Variants in TMPRSS11F observed in about 807,000 individuals in gnomAD.
TMPRSS11F encodes transmembrane protease serine 11F.
Under a neutral mutation model 60.2 loss-of-function variants are expected in TMPRSS11F, and 47 were observed. The observed-to-expected ratio is 0.78, with a 90% CI of 0.62 to 1.00. The LOEUF is 1.00. TMPRSS11F is among the 50% of genes least tolerant of loss of function. TMPRSS11F has a pLI of 0.00. For synonymous variants in TMPRSS11F, 166 were observed against 167.3 expected, an observed-to-expected ratio of 0.99 and a Z score of 0.06; for missense variants, 519 against 522.9, an observed-to-expected ratio of 0.99 and a Z score of 0.07.
Position 68,074,027 on chromosome 4 carries a change from A to C in TMPRSS11F, c.283-18T>G, listed in dbSNP as rs1365872647. On this transcript the variant is annotated intron_variant, in intron 3 of 9. Coordinates refer to ENST00000356291, the MANE Select transcript of TMPRSS11F (RefSeq NM_207407.2). ...CTAGACATCTGATTTTTAAAAAATA[A>C]GTATTAGTCTTCAGAACTTAAAAGT... The C allele has an allele frequency of 3.5e-6, 5 of 1,443,264 alleles. No individual in the cohort carries two copies. The highest frequency in any genetic ancestry group is 4.7e-6 in the Non-Finnish European group (5 of 1,064,650). The allele number at this position is 1,443,264 out of a possible 1,614,324, so 89.4% of individuals were successfully genotyped here.
intron 3 of TMPRSS11F, chr4:68,080,602 G>C (rs1485348625): frequency 6.6e-6 from 1 of 152,228 alleles, no homozygotes; most frequent in Admixed American, 6.5e-5. Context: ...TTTCTGGGAA[G>C]AATCACCTCC....
chr4:68,072,244 T>TATATATATATCTTCCAAA, intron 5 of TMPRSS11F, 79 bp downstream of exon 5: 1 of 166,112 alleles, frequency 6.0e-6, no homozygotes, highest in African/African-American at 3.1e-5. Context: ...TATATATATA[T>TATATATATATCTTCCAAA]ATATATTGCT....
chr4:68,090,234 G>A (rs190671653), intron 3 of TMPRSS11F, among the ~76,000 whole-genome samples: 69 of 151,936 alleles, frequency 4.5e-4, no homozygotes, highest in Non-Finnish European at 9.3e-4. Context: ...AAAATGAATC[G>A]AAAACGATAA....
chr4:68,128,726 G>A (rs1177734714), intron 1 of TMPRSS11F, among the ~76,000 whole-genome samples: 4 of 151,958 alleles, frequency 2.6e-5, no homozygotes, highest in African/African-American at 9.7e-5. Context: ...TGTACGTTTT[G>A]TCTTATTCTG....
chr4:68,073,862 C>T, intron 4 of TMPRSS11F, 80 bp downstream of exon 4: 1 of 839,318 alleles, frequency 1.2e-6, no homozygotes, highest in South Asian at 1.7e-5. Flanking sequence ...AAGACTTGCT[C>T]AGGGCAGCTA....
chr4:68,102,720 C>T (rs1724217902), intron 1 of TMPRSS11F, among the ~76,000 whole-genome samples: 1 of 152,102 alleles, frequency 6.6e-6, no homozygotes, highest in African/African-American at 2.4e-5. Context: ...GATATTAACC[C>T]TTTCTCAGAC....
In TMPRSS11F at chr4:68,074,834, C is replaced by T. The variant is rs147547792; in HGVS notation, c.283-825G>A. 2.5e-4 allele frequency among the ~76,000 whole-genome samples: 38 copies of T among 152,212 alleles called. 1 individual carries two copies. In the East Asian group the frequency reaches 4.3e-3, roughly 17 times the overall value. On this transcript the variant is annotated intron_variant, in intron 3 of 9. Coordinates refer to ENST00000356291, the MANE Select transcript of TMPRSS11F (RefSeq NM_207407.2). ...TGGGCTAGCAGGGTGCAGTGGCTCA[C>T]GCCTGTAATCCAAGCACTTTGGGAG...
Position 68,069,276 on chromosome 4 carries a change from T to C in TMPRSS11F, c.554-457A>G, listed in dbSNP as rs141788338. ...TCCTTATTACTGAGAGAGAGCCCAATACTAACTGTAGGTCATGATTTTCCC... is the reference window on the plus strand; with the variant it reads ...TCCTTATTACTGAGAGAGAGCCCAACACTAACTGTAGGTCATGATTTTCCC... On this transcript the variant is annotated intron_variant, in intron 6 of 9. Transcript: ENST00000356291. Among the ~76,000 whole-genome samples, 27 of 152,284 alleles carry C rather than the reference T, an allele frequency of 1.8e-4. No individual in the cohort carries two copies. In the East Asian group the frequency reaches 3.1e-3, roughly 17 times the overall value.
intron 8 of TMPRSS11F, chr4:68,063,189 C>A (rs969818250): frequency 6.7e-6 from 4 of 598,532 alleles, no homozygotes; most frequent in South Asian, 1.4e-5. Flanking sequence ...TGACAAAAAC[C>A]CAACTGCCTC....
At chr4:68,115,883 G>C (rs1420338995) in intron 1 of TMPRSS11F, among the ~76,000 whole-genome samples, 1 of 152,106 alleles carries the variant, frequency 6.6e-6, no homozygotes, top group Non-Finnish European at 1.5e-5. Flanking sequence ...AAAATTGAGA[G>C]AGATATATTA....
chr4:68,117,467 C>CAA (rs55708045), intron 1 of TMPRSS11F, among the ~76,000 whole-genome samples: 15 of 51,390 alleles, frequency 2.9e-4, no homozygotes, highest in African/African-American at 7.5e-4. Context: ...GACTCTGTCT[C>CAA]AAAAAAAAAA....
At position 68,115,415 on chromosome 4, in the gene TMPRSS11F, G is replaced by C. The variant is rs75278064; in HGVS notation, c.11+14395C>G. ...AAGAAAAGTTTCTCAAGCATATAAA[G>C]CTCTTCTAAGGAAATCCTATAGCTA... On this transcript the variant is annotated intron_variant, in intron 1 of 9. Coordinates refer to ENST00000356291, the MANE Select transcript of TMPRSS11F (RefSeq NM_207407.2). 3.2e-3 allele frequency among the ~76,000 whole-genome samples: 453 copies of C among 142,088 alleles called. 1 individual carries two copies. Among genetic ancestry groups the C allele is most frequent in the African/African-American group, 0.011 (426 of 38,218 alleles). The allele number at this position is 142,088 out of a possible 152,430, so 93.2% of individuals were successfully genotyped here. A position where few individuals can be genotyped will look rare whatever the true frequency, so the allele number is the denominator to read the frequency against.
intron 1 of TMPRSS11F, among the ~76,000 whole-genome samples, chr4:68,110,141 A>C (rs1250064869): frequency 1.3e-5 from 2 of 152,146 alleles, no homozygotes; most frequent in Non-Finnish European, 2.9e-5. Context: ...AAAAGCCTTC[A>C]TTTCTGGGAA....
chr4:68,110,355 G>T (rs1177832186), intron 1 of TMPRSS11F, among the ~76,000 whole-genome samples: 1 of 152,282 alleles, frequency 6.6e-6, no homozygotes, highest in East Asian at 1.9e-4. Flanking sequence ...AAAATCCACA[G>T]ACTCAGACCT....
chr4:68,095,456 A>G (rs942418253), intron 2 of TMPRSS11F, among the ~76,000 whole-genome samples: 1 of 152,198 alleles, frequency 6.6e-6, no homozygotes, highest in African/African-American at 2.4e-5. Context: ...ATGCAAATTA[A>G]GATTATGAGG....
At chr4:68,116,381 A>G (rs2109885080) in intron 1 of TMPRSS11F, among the ~76,000 whole-genome samples, 1 of 152,306 alleles carries the variant, frequency 6.6e-6, no homozygotes, top group Non-Finnish European at 1.5e-5. Context: ...CCATGTTCAT[A>G]GACTGAAAAG....
chr4:68,059,294 T>C, intron 9 of TMPRSS11F, 32 bp downstream of exon 9: 1 of 1,607,408 alleles, frequency 6.2e-7, no homozygotes, highest in Middle Eastern at 1.7e-4. Context: ...GAAACTTTCC[T>C]CATAAACTTT....
At chr4:68,097,489 A>T (rs1331619279) in intron 2 of TMPRSS11F, among the ~76,000 whole-genome samples, 1 of 151,938 alleles carries the variant, frequency 6.6e-6, no homozygotes, top group Non-Finnish European at 1.5e-5. Context: ...TATATTTAGG[A>T]CCTATCCAAA....
chr4:68,102,243 C>T (rs1219396291), intron 1 of TMPRSS11F, among the ~76,000 whole-genome samples: 1 of 152,086 alleles, frequency 6.6e-6, no homozygotes, highest in Non-Finnish European at 1.5e-5. Context: ...AGGCTGTTTC[C>T]GTATCTCAGC....
Sources: allele counts gnomAD v4.1 joint callset (sites outside exome capture counted in the v4.1 genomes callset), GRCh38; gene constraint gnomAD v4.1.1; transcripts MANE v1.5; gene names NCBI Gene and HGNC (gene_info 2026-07-23, HGNC 2026-07-21).